The following SPAG17 variants were observed in gnomAD, a reference collection of about 807,000 sequenced individuals.
The protein encoded by SPAG17 is sperm associated antigen 17.
In SPAG17, 169 loss-of-function variants were observed where a neutral mutation model predicts 273.6. The observed-to-expected ratio is 0.62, with a 90% confidence interval of 0.55 to 0.70. The LOEUF is 0.70. Ranked by LOEUF, SPAG17 falls within the 30% of genes least tolerant of loss-of-function variation. The pLI, the probability that SPAG17 is intolerant of heterozygous loss-of-function variation, is 0.00. For synonymous variants in SPAG17, 825 were observed against 873.2 expected (o/e 0.94, Z 0.97); for missense variants, 2,557 against 2,627.8 (o/e 0.97, Z 0.59).
chr1:117,960,926 A>T (rs980804066), intron 48 of SPAG17: 2 of 152,204 alleles, frequency 1.3e-5, no homozygotes, highest in Non-Finnish European at 2.9e-5. Context: ...TTTTTTCCTA[A>T]TTTTTTTCAT....
At chr1:118,177,543 A>G (rs1478271822) in intron 1 of SPAG17, among the ~76,000 whole-genome samples, 6 of 152,304 alleles carry the variant, frequency 3.9e-5, no homozygotes, top group South Asian at 2.1e-4. Flanking sequence ...GAACAAATCA[A>G]ACCTTAAATT....
At chr1:118,048,521 T>C (rs565268806) in intron 20 of SPAG17, among the ~76,000 whole-genome samples, 4 of 152,360 alleles carry the variant, frequency 2.6e-5, no homozygotes, top group African/African-American at 7.2e-5. Context: ...AACAAACTTT[T>C]AGCTAAACTA....
rs1028261558 is a variant in SPAG17 at position 118,085,984 on chromosome 1, G to T, written c.1700C>A (p.Pro567Gln). The T allele has an allele frequency of 5.0e-6, 8 of 1,613,662 alleles. No individual in the cohort carries two copies. The Admixed American group carries it at 1.2e-4, about 24-fold the overall frequency. Residue 567 changes from proline (P) to glutamine (Q), a missense_variant, in exon 13 of 49, where the codon CCA becomes CAA. Pro to Gln is a moderately conservative substitution (Grantham distance 76). Transcript: ENST00000336338. ...LWEFLQFPLP[P>Q]PWNNTKRLAT... ...TAGACGTTTAGTGTTGTTCCATGGT[G>T]GGGGTAGAGGGAATTGAAGAAATTC...
At chr1:118,031,368 T>A (rs1464808314) in intron 25 of SPAG17, among the ~76,000 whole-genome samples, 5 of 151,888 alleles carry the variant, frequency 3.3e-5, no homozygotes, top group African/African-American at 1.2e-4. Flanking sequence ...GTATTAAAAA[T>A]AAGGAATGGC....
rs564715277 is a variant in SPAG17, at chr1:117,954,578, A to G, written c.*1-529T>C. 72 of 1,612,548 alleles carry G rather than the reference A, an allele frequency of 4.5e-5. 1 individual carries two copies. The South Asian group carries it at 7.5e-4, about 17-fold the overall frequency. On this transcript the variant is annotated intron_variant, in intron 48 of 48. Coordinates refer to ENST00000336338, the MANE Select transcript of SPAG17 (RefSeq NM_206996.4). ...TGACTTGATTTAATAATTTCTTCAT[A>G]GGTTCCACTTCCCAGCAACCCCATC...
chr1:118,160,241 G>A lies in SPAG17; in HGVS notation c.88-8872C>T, dbSNP rs560102721. On this transcript the variant is annotated intron_variant, in intron 1 of 48. Transcript: ENST00000336338. Reference sequence around the variant, plus strand: ...CGAGACCTTCTTTGACCTTGATTGAGTTCCTTCAATGTTGCATCACTATCT... The same window carrying A: ...CGAGACCTTCTTTGACCTTGATTGAATTCCTTCAATGTTGCATCACTATCT... 2.6e-5 allele frequency among the ~76,000 whole-genome samples: 4 copies of A among 152,260 alleles called. No homozygotes were observed. The South Asian group carries it at 8.3e-4, about 32-fold the overall frequency.
intron 7 of SPAG17, 150 bp from the exon 8 acceptor site, chr1:118,093,467 T>G: frequency 1.4e-6 from 1 of 701,652 alleles, no homozygotes; most frequent in Non-Finnish European, 2.3e-6. Context: ...CCAACCATGG[T>G]GACCCCATTT....
intron 3 of SPAG17, among the ~76,000 whole-genome samples, chr1:118,140,359 A>C (rs1014149471): frequency 9.2e-5 from 14 of 152,340 alleles, no homozygotes; most frequent in African/African-American, 3.4e-4. Flanking sequence ...TGTTCTCACC[A>C]CAAAAAATGT....
At position 118,115,399 on chromosome 1, in the gene SPAG17, A is replaced by G; in HGVS notation, c.358T>C (p.Leu120=). The G allele has an allele frequency of 6.2e-7, 1 of 1,613,510 alleles. No homozygotes were observed. Among genetic ancestry groups the G allele is most frequent in the Non-Finnish European group, 8.5e-7 (1 of 1,179,548 alleles). Residue 120 remains leucine (L), a synonymous_variant, in exon 4 of 49, where the codon TTA becomes CTA. Coordinates refer to ENST00000336338, the MANE Select transcript of SPAG17 (RefSeq NM_206996.4). ...AGTTTCCCTATCAGTGGTAAGGTTA[A>G]TTTCTCTCCACTATCCATAATTGCT... ...AKAIMDSGEK[L]TLPLIGKLLK...
At chr1:118,134,611 A>G (rs1658237202) in intron 3 of SPAG17, among the ~76,000 whole-genome samples, 2 of 152,144 alleles carry the variant, frequency 1.3e-5, no homozygotes, top group Non-Finnish European at 2.9e-5. Flanking sequence ...TGCCTAGCAT[A>G]TTACTCCCCT....
At chr1:118,099,870 A>AC in intron 5 of SPAG17, 70 bp from the exon 6 acceptor site, 1 of 1,313,694 alleles carries the variant, frequency 7.6e-7, no homozygotes, top group Non-Finnish European at 1.1e-6. Context: ...AGCCAGTTCA[A>AC]TGGCTATATA....
At chr1:118,150,659 A>G (rs1202069581) in intron 2 of SPAG17, 30 bp from the exon 3 acceptor site, 2 of 1,266,110 alleles carry the variant, frequency 1.6e-6, no homozygotes, top group Non-Finnish European at 2.3e-6. Flanking sequence ...ACTTATGATG[A>G]AAAAAGCCTT....
rs1656108414 is a variant in SPAG17, at chr1:117,983,881, C to T, written c.5802G>A (p.Leu1934=). 1.2e-6 allele frequency: 2 copies of T among 1,611,706 alleles called. No individual in the cohort carries two copies. The highest frequency in any genetic ancestry group is 1.7e-6 in the Non-Finnish European group (2 of 1,178,656). Residue 1934 remains leucine (L), a synonymous_variant, in exon 42 of 49, where the codon CTG becomes CTA. Transcript: ENST00000336338. The part of the protein sequence containing the change: ...YNHLDSLSKK[L]PSFTKKNEDA... ...CTTCATTTTTCTTTGTAAAAGAAGG[C>T]AGTTTTTTGGAAAGACTGTCCAGGT...
chr1:118,103,149 C>G (rs1189400208), intron 4 of SPAG17, among the ~76,000 whole-genome samples: 1 of 152,118 alleles, frequency 6.6e-6, no homozygotes, highest in African/African-American at 2.4e-5. Flanking sequence ...CTTTGAAGAG[C>G]TAGGGGCGAA....
At chr1:118,156,266 T>C (rs1187314096) in intron 1 of SPAG17, among the ~76,000 whole-genome samples, 2 of 152,240 alleles carry the variant, frequency 1.3e-5, no homozygotes, top group African/African-American at 4.8e-5. Context: ...ATGTTTTCTA[T>C]GCTTTTGCAC....
chr1:117,974,604 G>C (rs772787660), intron 43 of SPAG17, among the ~76,000 whole-genome samples: 38 of 152,174 alleles, frequency 2.5e-4, no homozygotes, highest in Admixed American at 4.6e-4. Flanking sequence ...ATTAAGTATA[G>C]ATAAATTAAG....
intron 27 of SPAG17, among the ~76,000 whole-genome samples, chr1:118,024,146 G>T (rs1647452364): frequency 6.6e-6 from 1 of 152,034 alleles, no homozygotes; most frequent in African/African-American, 2.4e-5. Flanking sequence ...CGGTTGCCCT[G>T]TTTAATCTGA....
intron 36 of SPAG17, among the ~76,000 whole-genome samples, chr1:117,992,212 G>T (rs901560119): frequency 1.3e-5 from 2 of 152,084 alleles, no homozygotes; most frequent in Admixed American, 1.3e-4. Flanking sequence ...AAAGATGGAG[G>T]GCACTATATA....
In SPAG17 at chr1:118,147,055, T is replaced by C. The variant is rs558603578; in HGVS notation, c.315+3488A>G. On this transcript the variant is annotated intron_variant, in intron 3 of 48. Transcript: ENST00000336338. ...CTCAAGAACTTCACTATTTTCTGCA[T>C]TGTGTTATTCACTTACGCAGCAACT... Among the ~76,000 whole-genome samples, 5 of 152,360 alleles carry C rather than the reference T, an allele frequency of 3.3e-5. No individual in the cohort carries two copies. In the East Asian group the frequency reaches 9.6e-4, roughly 29 times the overall value.
Sources: allele counts gnomAD v4.1 joint callset (sites outside exome capture counted in the v4.1 genomes callset), GRCh38; gene constraint gnomAD v4.1.1; transcripts MANE v1.5; gene names NCBI Gene and HGNC (gene_info 2026-07-23, HGNC 2026-07-21).